Variants in PCDHGA1 observed in about 807,000 individuals in gnomAD.
PCDHGA1 encodes protocadherin gamma subfamily A, 1.
Under a neutral mutation model 58.0 loss-of-function variants are expected in PCDHGA1, and 32 were observed. The observed-to-expected ratio is 0.55, with a 90% CI of 0.42 to 0.74. The LOEUF is 0.74. Ranked by LOEUF, PCDHGA1 falls within the 30% of genes least tolerant of loss-of-function variation. The probability of loss-of-function intolerance (pLI) is 0.00; values close to 1 mark genes in which losing one functional copy is unlikely to be tolerated. For missense variants in PCDHGA1, 1,205 were observed against 1,182.3 expected (o/e 1.02, Z -0.28); for synonymous variants, 498 against 501.1 (o/e 0.99, Z 0.08).
intron 3 of PCDHGA1, among the ~76,000 whole-genome samples, chr5:141,506,045 C>G (rs1379226123): frequency 6.6e-6 from 1 of 152,078 alleles, no homozygotes; most frequent in Non-Finnish European, 1.5e-5. Flanking sequence ...TCTGGTTTTC[C>G]CATAAGGTTG....
At chr5:141,345,223 C>G (rs1364128998) in intron 1 of PCDHGA1, 4 of 1,613,928 alleles carry the variant, frequency 2.5e-6, no homozygotes, top group South Asian at 2.2e-5. Context: ...TTAGAAAAAT[C>G]AATAGATCAA....
At chr5:141,436,632 G>T (rs763510513) in intron 1 of PCDHGA1, among the ~76,000 whole-genome samples, 2 of 152,130 alleles carry the variant, frequency 1.3e-5, no homozygotes, top group Non-Finnish European at 2.9e-5. Context: ...TTCACAACAT[G>T]CAATTAATTA....
At chr5:141,351,438 C>A in intron 1 of PCDHGA1, 4 of 1,612,402 alleles carry the variant, frequency 2.5e-6, no homozygotes, top group Non-Finnish European at 3.4e-6. Context: ...TTAGAATCCA[C>A]CTCGAAGAAT....
chr5:141,433,643 C>A (rs899772934), intron 1 of PCDHGA1, among the ~76,000 whole-genome samples: 13 of 152,070 alleles, frequency 8.5e-5, no homozygotes, highest in African/African-American at 2.7e-4. Context: ...TGAGACCAGC[C>A]TGACCAACAT....
At chr5:141,382,749 G>T in intron 1 of PCDHGA1, 1 of 612,210 alleles carries the variant, frequency 1.6e-6, no homozygotes, top group Non-Finnish European at 2.8e-6. Context: ...GACAGATTGC[G>T]ATAAGCCCTC....
At chr5:141,403,686 G>T in intron 1 of PCDHGA1, 1 of 1,613,824 alleles carries the variant, frequency 6.2e-7, no homozygotes, top group Non-Finnish European at 8.5e-7. Context: ...TTTGCTCAAC[G>T]GATTTACCGA....
intron 1 of PCDHGA1, chr5:141,388,503 TC>T (rs1405490200): frequency 6.2e-7 from 1 of 1,613,782 alleles, no homozygotes; most frequent in Admixed American, 1.7e-5. Context: ...AAAGCAGAAA[TC>T]CTACCACTTG....
intron 1 of PCDHGA1, chr5:141,346,105 T>G: frequency 2.5e-6 from 4 of 1,613,882 alleles, no homozygotes; most frequent in Non-Finnish European, 3.4e-6. Context: ...GACCTCACTC[T>G]GTACCTGGTG....
chr5:141,388,555 G>A, intron 1 of PCDHGA1: 1 of 1,613,826 alleles, frequency 6.2e-7, no homozygotes, highest in Non-Finnish European at 8.5e-7. Context: ...CCCCTAAGCA[G>A]CACTGCACAG....
chr5:141,393,735 G>T, intron 1 of PCDHGA1: 1 of 1,613,858 alleles, frequency 6.2e-7, no homozygotes, highest in Non-Finnish European at 8.5e-7. Context: ...AAAAAGTCTA[G>T]ATTATGAAGA....
chr5:141,374,610 G>C (rs773630975), intron 1 of PCDHGA1: 2 of 1,613,524 alleles, frequency 1.2e-6, no homozygotes, highest in Non-Finnish European at 1.7e-6. Context: ...AGTGGTAATA[G>C]TCACTTCTCA....
At chr5:141,417,637 A>ATCCCTCAGCCTCTAGCCTGGGAT (rs2096141530) in intron 1 of PCDHGA1, 1 of 724,654 alleles carries the variant, frequency 1.4e-6, no homozygotes, top group Admixed American at 3.5e-5. Flanking sequence ...GACGCCGGGG[A>ATCCCTCAGCCTCTAGCCTGGGAT]TCCCTCAGCC....
At chr5:141,345,340 C>A (rs370949279) in intron 1 of PCDHGA1, 2 of 1,613,940 alleles carry the variant, frequency 1.2e-6, no homozygotes, top group African/African-American at 1.3e-5. Context: ...TCCACAGAAA[C>A]TCACATCACC....
chr5:141,346,971 A>G (rs1757833913), intron 1 of PCDHGA1, among the ~76,000 whole-genome samples: 1 of 152,134 alleles, frequency 6.6e-6, no homozygotes, highest in Non-Finnish European at 1.5e-5. Context: ...GACTCCTTCC[A>G]AGACAGGTGA....
intron 1 of PCDHGA1, chr5:141,478,628 T>G (rs1245431927): frequency 6.4e-7 from 1 of 1,553,704 alleles, no homozygotes; most frequent in African/African-American, 1.4e-5. Context: ...GAGCTGTTTT[T>G]TTAGTGATGA....
chr5:141,360,951 C>T (rs1413574595), intron 1 of PCDHGA1: 2 of 1,613,942 alleles, frequency 1.2e-6, no homozygotes, highest in Admixed American at 1.7e-5. Flanking sequence ...GGGATGAAGG[C>T]ATAAACGCAG....
intron 1 of PCDHGA1, chr5:141,389,183 T>C: frequency 6.2e-7 from 1 of 1,613,988 alleles, no homozygotes. Context: ...TCTCCTCCAG[T>C]TCCAGCATCA....
intron 1 of PCDHGA1, chr5:141,421,816 C>T (rs981400135): frequency 1.2e-5 from 19 of 1,613,696 alleles, no homozygotes; most frequent in Non-Finnish European, 1.4e-5. Context: ...AGAGCTAGTA[C>T]TGGAGGGAAG....
intron 3 of PCDHGA1, chr5:141,507,335 T>A (rs1228652205): frequency 6.6e-6 from 1 of 151,804 alleles, no homozygotes; most frequent in Non-Finnish European, 1.5e-5. Context: ...TGCTCATTGT[T>A]TACCTGAAAT....
Sources: gnomAD v4.1 joint callset for allele counts (sites outside exome capture counted in the v4.1 genomes callset) on GRCh38, gnomAD v4.1.1 for gene constraint, MANE v1.5 for transcripts, NCBI Gene and HGNC (gene_info 2026-07-23, HGNC 2026-07-21) for gene names.